Variants in GSDMC observed in about 807,000 individuals in gnomAD.
GSDMC encodes gasdermin C.
Under a neutral mutation model 58.0 loss-of-function variants are expected in GSDMC, and 59 were observed. That is an observed-to-expected ratio of 1.02 (90% CI 0.82 to 1.26). The LOEUF is 1.26. Ranked by LOEUF, GSDMC falls within the 50% of genes most tolerant of loss-of-function variation. The pLI is 0.00. For missense variants in GSDMC, 659 were observed against 598.5 expected, an observed-to-expected ratio of 1.10 and a Z score of -1.06; for synonymous variants, 241 against 220.2, an observed-to-expected ratio of 1.09 and a Z score of -0.83.
At chr8:129,775,432 C>G (rs1371937697) in intron 3 of GSDMC, among the ~76,000 whole-genome samples, 1 of 152,008 alleles carries the variant, frequency 6.6e-6, no homozygotes, top group African/African-American at 2.4e-5. Flanking sequence ...GCACATTGGT[C>G]AAAGGCAACA....
At chr8:129,783,851 G>A (rs1025663616) in intron 1 of GSDMC, among the ~76,000 whole-genome samples, 3 of 152,048 alleles carry the variant, frequency 2.0e-5, no homozygotes, top group African/African-American at 7.3e-5. Flanking sequence ...ATACTACAGA[G>A]CTACAGTAAC....
chr8:129,761,655 T>C (rs1438045896), intron 5 of GSDMC, among the ~76,000 whole-genome samples: 1 of 152,206 alleles, frequency 6.6e-6, no homozygotes, highest in African/African-American at 2.4e-5. Flanking sequence ...TCATTCACCA[T>C]GACCTTTGAT....
At chr8:129,761,829 A>G (rs777212342) in intron 5 of GSDMC, among the ~76,000 whole-genome samples, 2 of 152,188 alleles carry the variant, frequency 1.3e-5, no homozygotes, top group Non-Finnish European at 2.9e-5. Flanking sequence ...GTTCAGCCTC[A>G]TTCTGTCTAT....
At chr8:129,781,144 G>A (rs996767149) in intron 1 of GSDMC, among the ~76,000 whole-genome samples, 1 of 151,562 alleles carries the variant, frequency 6.6e-6, no homozygotes, top group Non-Finnish European at 1.5e-5. Flanking sequence ...AAAACAACCA[G>A]AAAACAAAAA....
intron 6 of GSDMC, among the ~76,000 whole-genome samples, chr8:129,759,421 G>T (rs2130419657): frequency 6.6e-6 from 1 of 152,198 alleles, no homozygotes; most frequent in East Asian, 1.9e-4. Flanking sequence ...ACAAAGTGAA[G>T]ACACAACCCA....
At chr8:129,781,569 C>T (rs939201493) in intron 1 of GSDMC, among the ~76,000 whole-genome samples, 7 of 151,998 alleles carry the variant, frequency 4.6e-5, no homozygotes, top group African/African-American at 1.7e-4. Context: ...ACGGTGAAAC[C>T]CTGTCTCTAT....
the GSDMC span, among the ~76,000 whole-genome samples, chr8:129,727,282 G>A: frequency 0.32 from 49,385 of 152,046 alleles, 11,619 homozygotes; most frequent in African/African-American, 0.65. Context: ...AAGCCTTTTA[G>A]TGTGTGCTCA....
chr8:129,777,010 T>C (rs1298620797), intron 2 of GSDMC, among the ~76,000 whole-genome samples: 1 of 152,006 alleles, frequency 6.6e-6, no homozygotes, highest in Non-Finnish European at 1.5e-5. Flanking sequence ...CCTCAAGTGA[T>C]CTGCCCGCCT....
the GSDMC span, among the ~76,000 whole-genome samples, chr8:129,724,262 G>A: frequency 6.6e-6 from 1 of 152,194 alleles, no homozygotes; most frequent in Non-Finnish European, 1.5e-5. Context: ...TCACATGTAA[G>A]ACCCTAAGCC....
chr8:129,710,121 AT>A, the GSDMC span, among the ~76,000 whole-genome samples: 1 of 152,150 alleles, frequency 6.6e-6, no homozygotes, highest in Non-Finnish European at 1.5e-5. Context: ...TCATGCACGT[AT>A]TTTTTTTCTG....
rs184087576 is a variant in GSDMC, at chr8:129,772,868, C to T, written c.404+3234G>A. On this transcript the variant is annotated intron_variant, in intron 3 of 13. Transcript: ENST00000276708. ...TAAACATAGATGCACAAGTCCTTAA[C>T]AAAATTTTAGCAAACCAAATTTAAC... 6.6e-5 allele frequency among the ~76,000 whole-genome samples: 10 copies of T among 152,210 alleles called. No homozygotes were observed. The East Asian group carries it at 1.5e-3, about 23-fold the overall frequency.
chr8:129,710,272 G>C, the GSDMC span, among the ~76,000 whole-genome samples: 2 of 152,158 alleles, frequency 1.3e-5, no homozygotes, highest in Non-Finnish European at 2.9e-5. Context: ...ATGAATGAAT[G>C]AATTATTGAA....
Position 129,775,022 on chromosome 8 carries a change from TA to T in GSDMC, c.404+1079del, listed in dbSNP as rs543977790. Among the ~76,000 whole-genome samples the T allele has an allele frequency of 6.0e-4, 92 of 152,288 alleles. 1 individual carries two copies. The highest frequency in any genetic ancestry group is 3.4e-3 in the Middle Eastern group (1 of 294). ...ACAGTATGTTGGTTCTTCAAAAAACTAAAACTAGAACTACCATATGATCCAG... is the reference window on the plus strand; with the variant it reads ...ACAGTATGTTGGTTCTTCAAAAAACTAAACTAGAACTACCATATGATCCAG... On this transcript the variant is annotated intron_variant, in intron 3 of 13. Coordinates refer to ENST00000276708, the MANE Select transcript of GSDMC (RefSeq NM_031415.3).
chr8:129,741,834 C>A, the GSDMC span, among the ~76,000 whole-genome samples: 13 of 150,888 alleles, frequency 8.6e-5, no homozygotes, highest in Admixed American at 5.3e-4. Context: ...TATCTGCACT[C>A]CCATATTCAT....
At chr8:129,752,846 A>G (rs1563790076) in intron 6 of GSDMC, 26 bp from the exon 7 acceptor site, 1 of 1,613,918 alleles carries the variant, frequency 6.2e-7, no homozygotes, top group Non-Finnish European at 8.5e-7. Context: ...GAGCAGAATG[A>G]CTGGGTAACT....
the GSDMC span, among the ~76,000 whole-genome samples, chr8:129,728,132 A>T: frequency 6.6e-6 from 1 of 152,126 alleles, no homozygotes; most frequent in Non-Finnish European, 1.5e-5. Flanking sequence ...ACCCAGGCAG[A>T]TCTCCAGGCA....
At chr8:129,752,611 C>T in intron 7 of GSDMC, 87 bp downstream of exon 7, 1 of 1,542,930 alleles carries the variant, frequency 6.5e-7, no homozygotes. Context: ...GGTTCATACA[C>T]CCCACATAAA....
At chr8:129,770,379 C>T (rs960365815) in intron 3 of GSDMC, among the ~76,000 whole-genome samples, 2 of 152,076 alleles carry the variant, frequency 1.3e-5, no homozygotes, top group Non-Finnish European at 2.9e-5. Context: ...ACCTATAGTC[C>T]CATGTACTTG....
At chr8:129,771,987 A>G (rs2034066367) in intron 3 of GSDMC, among the ~76,000 whole-genome samples, 2 of 152,186 alleles carry the variant, frequency 1.3e-5, no homozygotes, top group African/African-American at 2.4e-5. Flanking sequence ...AGAACAGGCC[A>G]GGCGCAGTGG....
Sources: allele counts gnomAD v4.1 joint callset (sites outside exome capture counted in the v4.1 genomes callset), GRCh38; gene constraint gnomAD v4.1.1; transcripts MANE v1.5; gene names NCBI Gene and HGNC (gene_info 2026-07-23, HGNC 2026-07-21).